The following MMACHC variants were observed in gnomAD, a reference collection of about 807,000 sequenced individuals.
The protein encoded by MMACHC is metabolism of cobalamin associated C.
A neutral mutation model predicts 17.6 loss-of-function variants in MMACHC; 14 were observed. That is an observed-to-expected ratio of 0.80 (90% confidence interval 0.53 to 1.25). The LOEUF (loss-of-function observed/expected upper bound fraction) is 1.25, where lower values mean the gene tolerates loss of function less well. Ranked by LOEUF, MMACHC falls within the 50% of genes most tolerant of loss-of-function variation. MMACHC has a pLI of 0.00. For synonymous variants in MMACHC, 151 were observed against 142.1 expected, an observed-to-expected ratio of 1.06 and a Z score of -0.45; for missense variants, 392 against 364.5, an observed-to-expected ratio of 1.08 and a Z score of -0.62.
At position 45,509,306 on chromosome 1, in the gene MMACHC, A is replaced by G. The variant is rs189520382; in HGVS notation, c.*91A>G. 97 of 1,435,286 alleles carry G rather than the reference A, an allele frequency of 6.8e-5. No individual in the cohort carries two copies. In the African/African-American group the frequency reaches 9.2e-4, roughly 14 times the overall value. The allele number at this position is 1,435,286 out of a possible 1,614,324, so 88.9% of individuals were successfully genotyped here. Reference sequence around the variant, plus strand: ...AAAAGGTTTTGAGTACAAGATTACTATTTTTGATAATATAGTAGAGATCTT... The same window carrying G: ...AAAAGGTTTTGAGTACAAGATTACTGTTTTTGATAATATAGTAGAGATCTT... On this transcript the variant is annotated 3_prime_UTR_variant, in exon 4 of 4. Transcript: ENST00000401061.
chr1:45,500,511 T>A lies in MMACHC; in HGVS notation c.81+98T>A, dbSNP rs530509593. The A allele has an allele frequency of 6.9e-5, 78 of 1,134,618 alleles. No homozygotes were observed. The African/African-American group carries it at 1.1e-3, about 16-fold the overall frequency. 70.3% of individuals were successfully genotyped at this position (1,134,618 alleles called of 1,614,324 possible). A position where few individuals can be genotyped will look rare whatever the true frequency, so the allele number is the denominator to read the frequency against. On this transcript the variant is annotated intron_variant, in intron 1 of 3. Transcript: ENST00000401061. ...GGAGCCTCTGATCCTCCTGGGTTCC[T>A]GCAGCCCAGTGTCCATGTGACAACA...
At position 45,503,431 on chromosome 1, in the gene MMACHC, CTTT is replaced by C. The variant is rs10607418; in HGVS notation, c.81+3038_81+3040del. Among the ~76,000 whole-genome samples, 347 of 77,038 alleles carry C rather than the reference CTTT, an allele frequency of 4.5e-3. 2 individuals carry two copies. Among genetic ancestry groups the C allele is most frequent in the African/African-American group, 0.012 (204 of 17,282 alleles). The allele number at this position is 77,038 out of a possible 152,430, so 50.5% of individuals were successfully genotyped here. A position where few individuals can be genotyped will look rare whatever the true frequency, so the allele number is the denominator to read the frequency against. ...ATAATAATAACTCTCTAACTCTCTG[CTTT>C]TTTTTTTTTTTTTTTTTTTGAGATG... On this transcript the variant is annotated intron_variant, in intron 1 of 3. Coordinates refer to ENST00000401061, the MANE Select transcript of MMACHC (RefSeq NM_015506.3).
chr1:45,502,997 G>C lies in MMACHC; in HGVS notation c.81+2584G>C, dbSNP rs544437570. ...TGGAATTACAGGCATGAGCCACCAT[G>C]CCCGGCCACAAGGAAGCCTTTTCTA... On this transcript the variant is annotated intron_variant, in intron 1 of 3. Transcript: ENST00000401061. Among the ~76,000 whole-genome samples, 8 of 152,186 alleles carry C rather than the reference G, an allele frequency of 5.3e-5. No homozygotes were observed. In the South Asian group the frequency reaches 1.7e-3, roughly 32 times the overall value.
intron 1 of MMACHC, among the ~76,000 whole-genome samples, chr1:45,506,579 C>T (rs528181813): frequency 2.6e-5 from 4 of 152,048 alleles, no homozygotes; most frequent in South Asian, 2.1e-4. Flanking sequence ...CTCTGCCTAC[C>T]GGGTTCAAGC....
At chr1:45,502,796 C>T (rs1421509640) in intron 1 of MMACHC, among the ~76,000 whole-genome samples, 3 of 151,820 alleles carry the variant, frequency 2.0e-5, no homozygotes, top group Non-Finnish European at 4.4e-5. Context: ...CCTCTGCCTC[C>T]CGGGTTCAAG....
Position 45,507,365 on chromosome 1 carries a change from TAC to T in MMACHC, c.93_94del (p.Tyr31Ter). The T allele has an allele frequency of 6.2e-7, 1 of 1,614,096 alleles. No homozygotes were observed. On this transcript the variant is annotated frameshift_variant, in exon 2 of 4. Transcript: ENST00000401061. LOFTEE classifies it high-confidence loss of function. ...GAACTTTCTGTTTCAGGTGGCATGG[TAC>T]AATGAACTCTTGCCTCCAGCCTTCC... ...FEVYPFQVAW[Y>X]NELLPPAFHL...
In MMACHC at chr1:45,511,524, A is replaced by C. The variant is rs1378216842; in HGVS notation, c.*2309A>C. 3.8e-6 allele frequency: 3 copies of C among 795,478 alleles called. No individual in the cohort carries two copies. The highest frequency in any genetic ancestry group is 6.1e-6 in the Non-Finnish European group (3 of 492,656). 49.3% of individuals were successfully genotyped at this position (795,478 alleles called of 1,614,324 possible). A position where few individuals can be genotyped will look rare whatever the true frequency, so the allele number is the denominator to read the frequency against. ...TGAACACTCAGATACCAGGAAACCTACCCCTGCAATCAGTCTTAGATCATT... is the reference window on the plus strand; with the variant it reads ...TGAACACTCAGATACCAGGAAACCTCCCCCTGCAATCAGTCTTAGATCATT... On this transcript the variant is annotated 3_prime_UTR_variant, in exon 4 of 4. Transcript: ENST00000401061.
rs1458150108 is a variant in MMACHC, at chr1:45,509,158, C to T, written c.792C>T (p.Ser264=). ...CCCCCAAGAAGCCTGGGAATCCCAG[C>T]AGAGCCCGGAGCTGGCTCAGCCCCA... ...TPAPKKPGNP[S]RARSWLSPRV... Residue 264 remains serine (S), a synonymous_variant, in exon 4 of 4, where the codon AGC becomes AGT. Coordinates refer to ENST00000401061, the MANE Select transcript of MMACHC (RefSeq NM_015506.3). 1 of 1,613,534 alleles carries T rather than the reference C, an allele frequency of 6.2e-7. No homozygotes were observed. The highest frequency in any genetic ancestry group is 1.3e-5 in the African/African-American group (1 of 74,864).
intron 1 of MMACHC, among the ~76,000 whole-genome samples, chr1:45,506,622 G>T (rs1159058022): frequency 1.3e-5 from 2 of 152,028 alleles, no homozygotes; most frequent in African/African-American, 4.8e-5. Flanking sequence ...GAGTAGCTGC[G>T]ATTACAGGCG....
intron 2 of MMACHC, 64 bp downstream of exon 2, chr1:45,507,614 C>T (rs1384904767): frequency 1.3e-6 from 2 of 1,558,902 alleles, no homozygotes. Flanking sequence ...CCTCCACACT[C>T]AATGCAGGAT....
chr1:45,502,617 A>T (rs1643562774), intron 1 of MMACHC, among the ~76,000 whole-genome samples: 1 of 152,164 alleles, frequency 6.6e-6, no homozygotes, highest in Non-Finnish European at 1.5e-5. Flanking sequence ...ATAAATGCAC[A>T]CCAGATTCTC....
At chr1:45,508,687 A>C (rs955436516) in intron 3 of MMACHC, 109 bp from the exon 4 acceptor site, 1 of 1,248,970 alleles carries the variant, frequency 8.0e-7, no homozygotes, top group Non-Finnish European at 1.1e-6. Context: ...AGGTTTATGT[A>C]GTCAGTGTAC....
rs1557609475 is a variant in MMACHC at position 45,509,415 on chromosome 1, A to ATTTTTT, written c.*200_*201insTTTTTT. The ATTTTTT allele has an allele frequency of 8.1e-4, 199 of 245,288 alleles. No individual in the cohort carries two copies. The highest frequency in any genetic ancestry group is 1.0e-3 in the African/African-American group (14 of 13,538). 15.2% of individuals were successfully genotyped at this position (245,288 alleles called of 1,614,324 possible). A position where few individuals can be genotyped will look rare whatever the true frequency, so the allele number is the denominator to read the frequency against. On this transcript the variant is annotated 3_prime_UTR_variant, in exon 4 of 4. Transcript: ENST00000401061. ...CAGAATTCCCATCTGCCTTCAAATG[A>ATTTTTT]GTTTTTTTTTTTTTTTTAGACAGAG...
At chr1:45,508,649 A>G in intron 3 of MMACHC, 147 bp from the exon 4 acceptor site, 1 of 1,025,714 alleles carries the variant, frequency 9.7e-7, no homozygotes, top group East Asian at 2.6e-5. Context: ...AGAATAGTTT[A>G]TGAAAGGGTT....
In MMACHC at chr1:45,508,966, G is replaced by A. The variant is rs796051997; in HGVS notation, c.600G>A (p.Trp200Ter). Residue 200 changes from tryptophan (W) to a stop codon, truncating the protein, a stop_gained, in exon 4 of 4, where the codon TGG (tryptophan) becomes TGA (stop). Coordinates refer to ENST00000401061, the MANE Select transcript of MMACHC (RefSeq NM_015506.3). LOFTEE classifies it low-confidence loss of function (END_TRUNC). ...TACTCGAAGGCTTCAATTTCCACTG[G>A]CGTGATTGGACTTACCGGGATGCTG... is the stretch of plus-strand genomic sequence containing the variant. ...IALLEGFNFH[W>*]RDWTYRDAVT... is the part of the protein sequence containing the mutation. 1 of 1,614,164 alleles carries A rather than the reference G, an allele frequency of 6.2e-7. No individual in the cohort carries two copies. Among genetic ancestry groups the A allele is most frequent in the Non-Finnish European group, 8.5e-7 (1 of 1,180,030 alleles).
intron 1 of MMACHC, among the ~76,000 whole-genome samples, chr1:45,504,720 C>T (rs1643590432): frequency 6.6e-6 from 1 of 151,918 alleles, no homozygotes; most frequent in African/African-American, 2.4e-5. Flanking sequence ...GCAAGACTAT[C>T]TCAAAAAAAA....
rs757696185 is a variant in MMACHC, at chr1:45,511,135, C to T, written c.*1920C>T. On this transcript the variant is annotated 3_prime_UTR_variant, in exon 4 of 4. Transcript: ENST00000401061. ...ATACAAACCAGTAGCCTGCCCACAA[C>T]GCCAACTCAGGCCATTCCTACCAAA... 3.8e-5 allele frequency: 20 copies of T among 530,342 alleles called. No homozygotes were observed. The highest frequency in any genetic ancestry group is 1.5e-4 in the East Asian group (5 of 33,426). 32.9% of individuals were successfully genotyped at this position (530,342 alleles called of 1,614,324 possible). A position where few individuals can be genotyped will look rare whatever the true frequency, so the allele number is the denominator to read the frequency against.
rs2149323826 is a variant in MMACHC at position 45,508,841 on chromosome 1, GCCAT to G, written c.478_481del (p.Ile160GlufsTer3). The G allele has an allele frequency of 6.2e-7, 1 of 1,614,156 alleles. No homozygotes were observed. Among genetic ancestry groups the G allele is most frequent in the South Asian group, 1.1e-5 (1 of 91,080 alleles). On this transcript the variant is annotated frameshift_variant, in exon 4 of 4. Transcript: ENST00000401061. LOFTEE classifies it low-confidence loss of function (END_TRUNC). ...ACACCCCCGATTTGGGGGCTGGTTTGCCATCCGAGGGGTAGTGCTGCTGCCAGGG... is the reference window on the plus strand; with the variant it reads ...ACACCCCCGATTTGGGGGCTGGTTTGCCGAGGGGTAGTGCTGCTGCCAGGG...
Position 45,509,274 on chromosome 1 carries a change from G to GCAAAGCAAAAGGTTTTTGA in MMACHC, c.*75_*76insTGACAAAGCAAAAGGTTTT. 1 of 1,597,364 alleles carries GCAAAGCAAAAGGTTTTTGA rather than the reference G, an allele frequency of 6.3e-7. No individual in the cohort carries two copies. Among genetic ancestry groups the GCAAAGCAAAAGGTTTTTGA allele is most frequent in the Non-Finnish European group, 8.6e-7 (1 of 1,165,618 alleles). The stretch of plus-strand genomic sequence containing the variant: ...ACTTGCTAGGACTTAATTGGCTTTG[G>GCAAAGCAAAAGGTTTTTGA]CAAAGCAAAAGGTTTTGAGTACAAG... On this transcript the variant is annotated 3_prime_UTR_variant, in exon 4 of 4. Transcript: ENST00000401061.
Sources: gnomAD v4.1 joint callset for allele counts (sites outside exome capture counted in the v4.1 genomes callset) on GRCh38, gnomAD v4.1.1 for gene constraint, MANE v1.5 for transcripts, NCBI Gene and HGNC (gene_info 2026-07-23, HGNC 2026-07-21) for gene names.